Variants in F8 observed in about 807,000 individuals in gnomAD.
The protein encoded by F8 is antihemophilic factor.
Under a neutral mutation model 140.6 loss-of-function variants are expected in F8, and 12 were observed. The observed-to-expected ratio is 0.09, with a 90% CI of 0.05 to 0.14. The LOEUF (loss-of-function observed/expected upper bound fraction) is 0.14. F8 is among the 10% of genes least tolerant of loss of function. F8 has a pLI of 1.00. For synonymous variants in F8, 585 were observed against 614.6 expected (o/e 0.95, Z 0.71); for missense variants, 1,354 against 1,720.7 (o/e 0.79, Z 3.77).
chrX:155,008,787 C>T (rs1446769114), intron 1 of F8, among the ~76,000 whole-genome samples: 2 of 109,044 alleles, frequency 1.8e-5, no homozygotes, highest in Non-Finnish European at 3.8e-5. Flanking sequence ...GGGCAGACCA[C>T]GCCTCTTCCC....
intron 22 of F8, among the ~76,000 whole-genome samples, chrX:154,867,117 T>C (rs1257972860): frequency 1.8e-5 from 2 of 111,293 alleles, no homozygotes; most frequent in African/African-American, 6.5e-5. Context: ...CCTAGAAACA[T>C]ATAACATACC....
intron 14 of F8, among the ~76,000 whole-genome samples, chrX:154,913,775 T>C (rs943603919): frequency 8.9e-6 from 1 of 112,865 alleles, no homozygotes; most frequent in Admixed American, 9.3e-5. Flanking sequence ...CCCCATAGCT[T>C]TGCAGGGTAC....
chrX:154,850,190 G>A (rs781895039), intron 25 of F8, among the ~76,000 whole-genome samples: 1 of 107,911 alleles, frequency 9.3e-6, no homozygotes, highest in Non-Finnish European at 1.9e-5. Context: ...ATGTGATGGC[G>A]CGATCTGGGC....
At chrX:154,846,747 T>C (rs1393130712) in intron 25 of F8, among the ~76,000 whole-genome samples, 1 of 112,017 alleles carries the variant, frequency 8.9e-6, no homozygotes, top group African/African-American at 3.2e-5. Flanking sequence ...AATGTGCCAG[T>C]CTGTGTCTTT....
chrX:154,982,819 A>G (rs1479730209), intron 6 of F8, among the ~76,000 whole-genome samples: 2 of 112,392 alleles, frequency 1.8e-5, no homozygotes, highest in African/African-American at 6.5e-5. Context: ...TGGGACCCGT[A>G]TAAAGTGCCA....
chrX:154,919,712 C>T (rs1265558187), intron 14 of F8: 2 of 381,897 alleles, frequency 5.2e-6, no homozygotes, highest in Admixed American at 7.5e-5. Flanking sequence ...CCAGTCTATC[C>T]CAGGGCTCTC....
intron 1 of F8, among the ~76,000 whole-genome samples, chrX:155,018,370 TGAC>T (rs1265400133): frequency 1.8e-5 from 2 of 111,696 alleles, no homozygotes; most frequent in African/African-American, 6.5e-5. Context: ...TAAAACAGAC[TGAC>T]GAGTTTTATA....
chrX:154,878,723 T>C (rs146705282), intron 22 of F8, among the ~76,000 whole-genome samples: 219 of 111,979 alleles, frequency 2.0e-3, no homozygotes, highest in South Asian at 3.3e-3. Context: ...CATGAGCTTA[T>C]GTATGGAAAA....
intron 1 of F8, among the ~76,000 whole-genome samples, chrX:155,011,921 C>T (rs1440392644): frequency 8.9e-6 from 1 of 112,466 alleles, no homozygotes; most frequent in African/African-American, 3.2e-5. Flanking sequence ...CCTTCATTTA[C>T]ATGAAATATC....
intron 22 of F8, among the ~76,000 whole-genome samples, chrX:154,866,630 G>A (rs1399027446): frequency 1.8e-5 from 2 of 111,578 alleles, no homozygotes; most frequent in Admixed American, 9.5e-5. Context: ...ATTCTTGAAC[G>A]ACCATTGGGT....
At chrX:154,918,703 T>C (rs1374944028) in intron 14 of F8, 1 of 106,874 alleles carries the variant, frequency 9.4e-6, no homozygotes, top group Non-Finnish European at 1.9e-5. Context: ...AGCTAGACAC[T>C]GAATAGTTGT....
Position 154,928,836 on chromosome X carries a change from C to T in F8, c.4954G>A (p.Glu1652Lys), listed in dbSNP as rs2073174651. Residue 1652 changes from glutamate to lysine, a missense_variant, in exon 14 of 26, where the codon GAA (glutamate) becomes AAA (lysine). Physicochemically the swap from Glu to Lys is moderately conservative, Grantham distance 56. Transcript: ENST00000360256. The part of the protein sequence containing the change: ...EVTWAKQGRT[E>K]RLCSQNPPVL... ...GGTGGGTTTTGAGAGCACAGCCTTT[C>T]AGTCCTACCTTGCTTTGCCCAGGTG... 1.7e-6 allele frequency: 2 copies of T among 1,212,080 alleles called. No homozygotes were observed. Among genetic ancestry groups the T allele is most frequent in the East Asian group, 5.9e-5 (2 of 33,880 alleles).
At position 154,957,691 on chromosome X, in the gene F8, G is replaced by C. The variant is rs782316808; in HGVS notation, c.1538-520C>G. Among the ~76,000 whole-genome samples the C allele has an allele frequency of 2.3e-3, 249 of 110,389 alleles. 1 individual carries two copies. Among genetic ancestry groups the C allele is most frequent in the Middle Eastern group, 4.7e-3 (1 of 215 alleles). Reference sequence around the variant, plus strand: ...TGTTGAGGTGAGGAGTTCGAGACCAGCCTGGTCAACATGGTGAAACGCCAT... The same window carrying C: ...TGTTGAGGTGAGGAGTTCGAGACCACCCTGGTCAACATGGTGAAACGCCAT... On this transcript the variant is annotated intron_variant, in intron 10 of 25. Coordinates refer to ENST00000360256, the MANE Select transcript of F8 (RefSeq NM_000132.4).
intron 22 of F8, among the ~76,000 whole-genome samples, chrX:154,892,412 T>A (rs1352697026): frequency 2.9e-4 from 33 of 112,548 alleles, no homozygotes; most frequent in Non-Finnish European, 1.5e-4. Context: ...GCCACTGTCA[T>A]TTAATCTCCC....
chrX:154,902,014 G>T, intron 19 of F8, 37 bp downstream of exon 19: 1 of 915,235 alleles, frequency 1.1e-6, no homozygotes, highest in Non-Finnish European at 1.6e-6. Flanking sequence ...GAAGTAGGCT[G>T]AGTAGGTAGG....
At chrX:154,987,461 T>C (rs782260846) in intron 4 of F8, among the ~76,000 whole-genome samples, 156 bp from the exon 5 acceptor site, 15 of 112,688 alleles carry the variant, frequency 1.3e-4, no homozygotes, top group African/African-American at 4.8e-4. Context: ...AGGTCTCCTA[T>C]AGCAGTGTTT....
At chrX:154,949,547 T>C (rs953662707) in intron 12 of F8, among the ~76,000 whole-genome samples, 8 of 112,363 alleles carry the variant, frequency 7.1e-5, no homozygotes, top group African/African-American at 9.7e-5. Flanking sequence ...TTGTGAAATA[T>C]GTACACACTA....
chrX:154,898,845 A>C (rs1194437971), intron 21 of F8, among the ~76,000 whole-genome samples: 1 of 111,941 alleles, frequency 8.9e-6, no homozygotes, highest in African/African-American at 3.3e-5. Context: ...AAGTGGAAAC[A>C]ACAGAGTATA....
intron 6 of F8, among the ~76,000 whole-genome samples, chrX:154,981,994 G>A (rs193297603): frequency 0.049 from 5,377 of 110,478 alleles, 120 homozygotes; most frequent in Middle Eastern, 0.11. Context: ...GACCGGCCTG[G>A]CAAACATGGT....
Sources: allele counts gnomAD v4.1 joint callset (sites outside exome capture counted in the v4.1 genomes callset), GRCh38; gene constraint gnomAD v4.1.1; transcripts MANE v1.5; gene names NCBI Gene and HGNC (gene_info 2026-07-23, HGNC 2026-07-21).